IRAG1: variants seen among roughly 807,000 people sequenced by gnomAD.
The protein encoded by IRAG1 is inositol 1,4,5-triphosphate receptor associated 1, also known as IP3R-associated cGMP kinase substrate.
In IRAG1, 62 loss-of-function variants were observed where a neutral mutation model predicts 106.2. That is an observed-to-expected ratio of 0.58 (90% CI 0.48 to 0.72). The LOEUF (loss-of-function observed/expected upper bound fraction) is 0.72. Among genes scored for constraint, IRAG1 ranks in the 30% least tolerant of loss-of-function variants. The probability of loss-of-function intolerance (pLI) is 0.00; values close to 1 mark genes in which losing one functional copy is unlikely to be tolerated. For synonymous variants in IRAG1, 462 were observed against 443.9 expected, an observed-to-expected ratio of 1.04 and a Z score of -0.51; for missense variants, 1,064 against 1,140.7, an observed-to-expected ratio of 0.93 and a Z score of 0.97.
At chr11:10,682,637 GGTTA>G (rs1311737158) in intron 1 of IRAG1, among the ~76,000 whole-genome samples, 1 of 152,172 alleles carries the variant, frequency 6.6e-6, no homozygotes. Context: ...CAATGGACAT[GGTTA>G]GTTATCTATG....
intron 2 of IRAG1, among the ~76,000 whole-genome samples, chr11:10,635,293 G>A (rs2134691382): frequency 6.6e-6 from 1 of 152,286 alleles, no homozygotes; most frequent in East Asian, 1.9e-4. Context: ...CCCCTTGACT[G>A]GCATGTGCTG....
At chr11:10,636,414 C>T (rs960752310) in intron 2 of IRAG1, among the ~76,000 whole-genome samples, 9 of 152,064 alleles carry the variant, frequency 5.9e-5, no homozygotes, top group Admixed American at 4.6e-4. Context: ...CAGAATCAAG[C>T]GATCTTCCCA....
intron 10 of IRAG1, among the ~76,000 whole-genome samples, chr11:10,622,481 G>T (rs1259485813): frequency 6.6e-6 from 1 of 152,060 alleles, no homozygotes; most frequent in Non-Finnish European, 1.5e-5. Flanking sequence ...CTATCTCAAT[G>T]CTCCTGCCAC....
intron 1 of IRAG1, among the ~76,000 whole-genome samples, chr11:10,670,609 C>G (rs893400280): frequency 2.6e-5 from 4 of 152,198 alleles, no homozygotes; most frequent in African/African-American, 9.7e-5. Flanking sequence ...CCCCCCAATA[C>G]TCCTCCTAGT....
intron 12 of IRAG1, among the ~76,000 whole-genome samples, chr11:10,606,194 C>T (rs892379248): frequency 1.2e-4 from 18 of 152,290 alleles, no homozygotes; most frequent in African/African-American, 3.1e-4. Flanking sequence ...TCTCTTTGTC[C>T]GCTACAGAAT....
At chr11:10,667,686 C>T (rs537990316) in intron 1 of IRAG1, among the ~76,000 whole-genome samples, 16 of 152,232 alleles carry the variant, frequency 1.1e-4, no homozygotes, top group South Asian at 4.1e-4. Context: ...TAGGTGTGGT[C>T]GCAGGCCTCC....
At chr11:10,669,079 T>C (rs1860014287) in intron 1 of IRAG1, among the ~76,000 whole-genome samples, 2 of 152,238 alleles carry the variant, frequency 1.3e-5, no homozygotes, top group African/African-American at 4.8e-5. Context: ...GATGGTCTAA[T>C]GGTCCCCATG....
chr11:10,662,804 G>C (rs1332948597), intron 1 of IRAG1, among the ~76,000 whole-genome samples: 2 of 152,230 alleles, frequency 1.3e-5, no homozygotes, highest in Admixed American at 1.3e-4. Context: ...CAAAGGCACA[G>C]ACTCTGGTAT....
intron 11 of IRAG1, among the ~76,000 whole-genome samples, chr11:10,608,441 C>T (rs1171749853): frequency 6.6e-6 from 1 of 151,706 alleles, no homozygotes; most frequent in Non-Finnish European, 1.5e-5. Context: ...TAGAACATAC[C>T]CACCTTAAAA....
intron 1 of IRAG1, among the ~76,000 whole-genome samples, chr11:10,652,740 C>T (rs1858623097): frequency 2.0e-5 from 3 of 152,292 alleles, no homozygotes; most frequent in Non-Finnish European, 4.4e-5. Context: ...CTATACTACA[C>T]AGTGTTCCTC....
chr11:10,632,105 A>T, intron 3 of IRAG1, 44 bp from the exon 4 acceptor site: 1 of 1,392,536 alleles, frequency 7.2e-7, no homozygotes, highest in African/African-American at 1.4e-5. Context: ...TCAATCCACA[A>T]CTTGAAAATA....
chr11:10,594,054 C>T (rs1852984499), intron 16 of IRAG1, 92 bp downstream of exon 16: 4 of 1,214,014 alleles, frequency 3.3e-6, no homozygotes, highest in African/African-American at 3.0e-5. Context: ...CTCTGGCATC[C>T]ATGGATCCCA....
At chr11:10,594,331 G>T in intron 15 of IRAG1, 136 bp from the exon 16 acceptor site, 1 of 733,086 alleles carries the variant, frequency 1.4e-6, no homozygotes, top group Non-Finnish European at 2.2e-6. Flanking sequence ...GGGTGTTGGG[G>T]ACACTGAGTT....
intron 10 of IRAG1, among the ~76,000 whole-genome samples, chr11:10,615,793 G>C (rs975482851): frequency 6.6e-6 from 1 of 151,844 alleles, no homozygotes; most frequent in Admixed American, 6.6e-5. Context: ...GGGGTCCGGG[G>C]GATGGGGGAG....
At chr11:10,609,476 G>A (rs1854759882) in intron 11 of IRAG1, among the ~76,000 whole-genome samples, 1 of 152,198 alleles carries the variant, frequency 6.6e-6, no homozygotes, top group South Asian at 2.1e-4. Context: ...CTGCTGCCAT[G>A]AGCTTCTGGT....
Position 10,593,815 on chromosome 11 carries a change from T to C in IRAG1, c.2068-216A>G. The C allele has an allele frequency of 5.2e-6, 3 of 579,880 alleles. No homozygotes were observed. The East Asian group carries it at 8.6e-5, about 17-fold the overall frequency. 35.9% of individuals were successfully genotyped at this position (579,880 alleles called of 1,614,324 possible). A position where few individuals can be genotyped will look rare whatever the true frequency, so the allele number is the denominator to read the frequency against. The stretch of plus-strand genomic sequence containing the variant: ...TGAGTGAACGCTCAATCTGTTCTAT[T>C]TTAGCTTATGAGATCTTGGAGATAC... On this transcript the variant is annotated intron_variant, in intron 16 of 20. Transcript: ENST00000423302.
In IRAG1 at chr11:10,605,116, GAATA is replaced by G. The variant is rs200179241; in HGVS notation, c.1603-575_1603-572del. Among the ~76,000 whole-genome samples, 368 of 152,336 alleles carry G rather than the reference GAATA, an allele frequency of 2.4e-3. 2 individuals carry two copies. Among genetic ancestry groups the G allele is most frequent in the African/African-American group, 8.4e-3 (350 of 41,562 alleles). ...TGATTCTGTTCGGTTAAGCTTTCTGGAATAAATAAATGTTTCATGCTAAAATTGC... is the reference window on the plus strand; with the variant it reads ...TGATTCTGTTCGGTTAAGCTTTCTGGAATAAATGTTTCATGCTAAAATTGC... On this transcript the variant is annotated intron_variant, in intron 12 of 20. Coordinates refer to ENST00000423302, the MANE Select transcript of IRAG1 (RefSeq NM_130385.4).
At chr11:10,667,128 AG>A (rs1334295431) in intron 1 of IRAG1, among the ~76,000 whole-genome samples, 3 of 140,432 alleles carry the variant, frequency 2.1e-5, no homozygotes, top group Non-Finnish European at 4.6e-5. Flanking sequence ...ATAGAACAGA[AG>A]TTTTTTTTTT....
At chr11:10,630,211 C>T (rs969567564) in intron 4 of IRAG1, 1 of 154,772 alleles carries the variant, frequency 6.5e-6, no homozygotes, top group Non-Finnish European at 1.4e-5. Flanking sequence ...TGAACGGCAC[C>T]ACCTCTCACC....
Sources: gnomAD v4.1 joint callset for allele counts (sites outside exome capture counted in the v4.1 genomes callset) on GRCh38, gnomAD v4.1.1 for gene constraint, MANE v1.5 for transcripts, NCBI Gene and HGNC (gene_info 2026-07-23, HGNC 2026-07-21) for gene names.